Variants in RUNX2 observed in about 807,000 individuals in gnomAD.
RUNX2 encodes runt-related transcription factor 2.
In RUNX2, 10 loss-of-function variants were observed where a neutral mutation model predicts 51.7. The observed-to-expected ratio is 0.19, with a 90% CI of 0.12 to 0.33. The LOEUF (loss-of-function observed/expected upper bound fraction) is 0.33, where lower values mean the gene tolerates loss of function less well. RUNX2 is among the 10% of genes least tolerant of loss of function. The probability of loss-of-function intolerance (pLI) is 1.00; values close to 1 mark genes in which losing one functional copy is unlikely to be tolerated. For synonymous variants in RUNX2, 276 were observed against 273.6 expected, an observed-to-expected ratio of 1.01 and a Z score of -0.09; for missense variants, 562 against 691.3, an observed-to-expected ratio of 0.81 and a Z score of 2.10.
chr6:45,387,548 A>T (rs141039089), intron 2 of RUNX2, among the ~76,000 whole-genome samples: 1 of 152,340 alleles, frequency 6.6e-6, no homozygotes, highest in African/African-American at 2.4e-5. Flanking sequence ...TGAGTCAAAC[A>T]TCAAATCCTA....
chr6:45,396,053 C>T (rs1335946431), intron 2 of RUNX2, among the ~76,000 whole-genome samples: 1 of 152,090 alleles, frequency 6.6e-6, no homozygotes, highest in Non-Finnish European at 1.5e-5. Flanking sequence ...AGAATAAAGA[C>T]AGTTTCAATC....
intron 3 of RUNX2, among the ~76,000 whole-genome samples, chr6:45,430,093 C>CAA (rs11367524): frequency 7.1e-6 from 1 of 140,674 alleles, no homozygotes; most frequent in Non-Finnish European, 1.6e-5. Flanking sequence ...GACTCCATCT[C>CAA]AAAAAAAAAA....
At chr6:45,505,097 C>T (rs1321859260) in intron 6 of RUNX2, among the ~76,000 whole-genome samples, 1 of 152,150 alleles carries the variant, frequency 6.6e-6, no homozygotes, top group African/African-American at 2.4e-5. Context: ...CTTGTTTCCT[C>T]CCGTCTGCAT....
At chr6:45,387,812 G>A (rs564336313) in intron 2 of RUNX2, among the ~76,000 whole-genome samples, 2 of 152,286 alleles carry the variant, frequency 1.3e-5, no homozygotes, top group South Asian at 4.2e-4. Context: ...TTTCAGAGAG[G>A]CATATTAATG....
intron 2 of RUNX2, among the ~76,000 whole-genome samples, chr6:45,339,434 A>T (rs2150125515): frequency 6.6e-6 from 1 of 152,334 alleles, no homozygotes; most frequent in South Asian, 2.1e-4. Context: ...AAAATATATT[A>T]ATTCCAAATT....
chr6:45,527,755 T>C (rs143938663), intron 7 of RUNX2, among the ~76,000 whole-genome samples: 107 of 152,328 alleles, frequency 7.0e-4, no homozygotes, highest in African/African-American at 2.4e-3. Context: ...ATTTTTAGGT[T>C]TTTGTAATCA....
intron 7 of RUNX2, among the ~76,000 whole-genome samples, chr6:45,529,169 T>C (rs1440176836): frequency 6.6e-6 from 1 of 152,212 alleles, no homozygotes; most frequent in Non-Finnish European, 1.5e-5. Flanking sequence ...CTGTTTAAAA[T>C]GTAATGAAGT....
chr6:45,465,952 CT>C (rs1434181059), intron 5 of RUNX2, among the ~76,000 whole-genome samples: 4 of 152,076 alleles, frequency 2.6e-5, no homozygotes, highest in Non-Finnish European at 5.9e-5. Context: ...CGCCCTACTT[CT>C]TTTTTCTATG....
chr6:45,450,477 T>C (rs1799135593), intron 5 of RUNX2, among the ~76,000 whole-genome samples: 1 of 152,232 alleles, frequency 6.6e-6, no homozygotes, highest in African/African-American at 2.4e-5. Context: ...TTGAGGAGCC[T>C]ACATTCTGTA....
At chr6:45,521,430 C>G (rs1422177860) in intron 7 of RUNX2, among the ~76,000 whole-genome samples, 1 of 152,198 alleles carries the variant, frequency 6.6e-6, no homozygotes, top group South Asian at 2.1e-4. Flanking sequence ...TTGCTGCTAA[C>G]AGTTAGTAAC....
At chr6:45,385,127 A>G (rs918028023) in intron 2 of RUNX2, among the ~76,000 whole-genome samples, 1 of 152,256 alleles carries the variant, frequency 6.6e-6, no homozygotes, top group Admixed American at 6.5e-5. Flanking sequence ...GATGAATAAC[A>G]GAGTCTCTGC....
At chr6:45,528,526 CAGG>C (rs1205039593) in intron 7 of RUNX2, among the ~76,000 whole-genome samples, 1 of 151,894 alleles carries the variant, frequency 6.6e-6, no homozygotes, top group Non-Finnish European at 1.5e-5. Flanking sequence ...GAGGCTGAGG[CAGG>C]AGAATTGTGT....
intron 2 of RUNX2, among the ~76,000 whole-genome samples, chr6:45,372,865 T>C (rs1796278771): frequency 6.6e-6 from 1 of 152,114 alleles, no homozygotes; most frequent in East Asian, 1.9e-4. Flanking sequence ...TCACCCAGGC[T>C]GTAGTGTAAT....
chr6:45,519,804 G>A (rs1296858662), intron 7 of RUNX2, among the ~76,000 whole-genome samples: 1,870 of 116,486 alleles, frequency 0.016, 82 homozygotes, highest in African/African-American at 0.049. Flanking sequence ...GTGTGTGTGT[G>A]TGTGTGTGTG....
intron 1 of RUNX2, 31 bp downstream of exon 1, chr6:45,328,491 T>C (rs1255230934): frequency 2.6e-6 from 4 of 1,512,618 alleles, no homozygotes; most frequent in Non-Finnish European, 2.7e-6. Context: ...GTCTATGCAG[T>C]AATAGTAGGT....
At chr6:45,416,023 T>C (rs752183326) in intron 2 of RUNX2, among the ~76,000 whole-genome samples, 2 of 152,146 alleles carry the variant, frequency 1.3e-5, no homozygotes, top group Non-Finnish European at 2.9e-5. Context: ...TGATTATGAC[T>C]AGATGGGAAG....
chr6:45,408,730 G>C (rs987146040), intron 2 of RUNX2, among the ~76,000 whole-genome samples: 1 of 152,014 alleles, frequency 6.6e-6, no homozygotes, highest in African/African-American at 2.4e-5. Context: ...ACCTTCCCCT[G>C]ATGGTGTGGT....
At chr6:45,381,116 A>C (rs530101900) in intron 2 of RUNX2, among the ~76,000 whole-genome samples, 13 of 152,310 alleles carry the variant, frequency 8.5e-5, no homozygotes, top group African/African-American at 2.2e-4. Flanking sequence ...AATTGTTGCT[A>C]TATTTGTTTT....
intron 2 of RUNX2, among the ~76,000 whole-genome samples, chr6:45,388,939 C>G (rs113230441): frequency 0.02 from 3,092 of 152,284 alleles, 44 homozygotes; most frequent in Non-Finnish European, 0.032. Flanking sequence ...TAGCAATTCT[C>G]AAATTATGCT....
Sources: allele counts gnomAD v4.1 joint callset (sites outside exome capture counted in the v4.1 genomes callset), GRCh38; gene constraint gnomAD v4.1.1; transcripts MANE v1.5; gene names NCBI Gene and HGNC (gene_info 2026-07-23, HGNC 2026-07-21).